Variants in GPR158 observed in about 807,000 individuals in gnomAD.
The protein encoded by GPR158 is G protein-coupled receptor 158.
A neutral mutation model predicts 78.2 loss-of-function variants in GPR158; 30 were observed. The ratio of observed to expected loss-of-function variants is 0.38; its 90% CI spans 0.29 to 0.52. The LOEUF is 0.52. GPR158 is among the 20% of genes least tolerant of loss of function. The pLI, the probability that GPR158 is intolerant of heterozygous loss-of-function variation, is 0.83. For synonymous variants in GPR158, 581 were observed against 591.1 expected, an observed-to-expected ratio of 0.98 and a Z score of 0.25; for missense variants, 1,463 against 1,523.5, an observed-to-expected ratio of 0.96 and a Z score of 0.66.
At chr10:25,485,561 T>G (rs1038423619) in intron 5 of GPR158, among the ~76,000 whole-genome samples, 1 of 152,128 alleles carries the variant, frequency 6.6e-6, no homozygotes, top group African/African-American at 2.4e-5. Context: ...ATTTATGTGT[T>G]TAGTTTGTTA....
chr10:25,454,108 C>T (rs1588872003), intron 4 of GPR158, among the ~76,000 whole-genome samples: 1 of 152,014 alleles, frequency 6.6e-6, no homozygotes, highest in South Asian at 2.1e-4. Flanking sequence ...TCATCAATAT[C>T]TTATAGTTTT....
At chr10:25,404,851 G>C (rs1280294655) in intron 3 of GPR158, among the ~76,000 whole-genome samples, 2 of 152,184 alleles carry the variant, frequency 1.3e-5, no homozygotes, top group African/African-American at 4.8e-5. Context: ...AGCAGAGACA[G>C]AGTATATCAG....
rs1006664591 is a variant in GPR158, at chr10:25,600,071, G to A, written c.*797G>A. 1.3e-5 allele frequency: 2 copies of A among 152,570 alleles called. No homozygotes were observed. Among genetic ancestry groups the A allele is most frequent in the Non-Finnish European group, 2.9e-5 (2 of 68,020 alleles). 9.5% of individuals were successfully genotyped at this position (152,570 alleles called of 1,614,324 possible). On this transcript the variant is annotated 3_prime_UTR_variant, in exon 11 of 11. Transcript: ENST00000376351. Reference sequence around the variant, plus strand: ...ATTTGACTCTATTATTTCACATCATGGTTTGTTATACTGTCTTAATCAGGG... The same window carrying A: ...ATTTGACTCTATTATTTCACATCATAGTTTGTTATACTGTCTTAATCAGGG...
chr10:25,218,262 A>C (rs1853247489), intron 1 of GPR158, among the ~76,000 whole-genome samples: 1 of 151,990 alleles, frequency 6.6e-6, no homozygotes, highest in South Asian at 2.1e-4. Flanking sequence ...AACGTAGCTC[A>C]TTATATTCCA....
At chr10:25,340,640 G>C (rs1855289342) in intron 2 of GPR158, among the ~76,000 whole-genome samples, 1 of 152,040 alleles carries the variant, frequency 6.6e-6, no homozygotes, top group Admixed American at 6.6e-5. Context: ...AAGAAAATTA[G>C]TGAATTAGAA....
In GPR158 at chr10:25,435,782, A is replaced by G. The variant is rs561086422; in HGVS notation, c.1335+23309A>G. Among the ~76,000 whole-genome samples the G allele has an allele frequency of 2.6e-5, 4 of 152,314 alleles. 1 individual carries two copies. The highest frequency in any genetic ancestry group is 9.6e-5 in the African/African-American group (4 of 41,560). ...GCTGCACTGTAGAGAATAGATTAGT[A>G]AGGGACAAGTGTAAAAGTGGGGGAA... On this transcript the variant is annotated intron_variant, in intron 4 of 10. Coordinates refer to ENST00000376351, the MANE Select transcript of GPR158 (RefSeq NM_020752.3).
chr10:25,212,798 A>C (rs1853152570), intron 1 of GPR158, among the ~76,000 whole-genome samples: 1 of 151,658 alleles, frequency 6.6e-6, no homozygotes, highest in African/African-American at 2.4e-5. Context: ...TGTCCAGCTA[A>C]TTTTTGTATT....
chr10:25,556,142 T>A (rs1836783712), intron 6 of GPR158, among the ~76,000 whole-genome samples: 1 of 152,182 alleles, frequency 6.6e-6, no homozygotes, highest in Admixed American at 6.5e-5. Flanking sequence ...CTTGGTTGAT[T>A]GCGTGTAGAC....
intron 4 of GPR158, among the ~76,000 whole-genome samples, chr10:25,427,719 G>T (rs1834843738): frequency 6.6e-6 from 1 of 151,788 alleles, no homozygotes; most frequent in Non-Finnish European, 1.5e-5. Context: ...TACTTGATAT[G>T]GATTCTTCCT....
chr10:25,189,834 A>ATGTGTG lies in GPR158; in HGVS notation c.902+13546_902+13551dup, dbSNP rs56205437. ...AAAAAAAGAGAAAAGAAAGGAAAGC[A>ATGTGTG]TGTGTGTGTGTGTGTGTGTGTGTGT... On this transcript the variant is annotated intron_variant, in intron 1 of 10. Coordinates refer to ENST00000376351, the MANE Select transcript of GPR158 (RefSeq NM_020752.3). 5.6e-3 allele frequency among the ~76,000 whole-genome samples: 671 copies of ATGTGTG among 120,526 alleles called. 1 individual carries two copies. The highest frequency in any genetic ancestry group is 0.019 in the Middle Eastern group (5 of 260). 79.1% of individuals were successfully genotyped at this position (120,526 alleles called of 152,430 possible).
chr10:25,313,914 G>A (rs989993699), intron 2 of GPR158, among the ~76,000 whole-genome samples: 8 of 152,024 alleles, frequency 5.3e-5, no homozygotes, highest in Non-Finnish European at 8.8e-5. Context: ...GGGATGATCC[G>A]GTCTTTAAAG....
intron 2 of GPR158, among the ~76,000 whole-genome samples, chr10:25,319,828 C>CG (rs1029158166): frequency 1.6e-4 from 23 of 144,748 alleles, no homozygotes; most frequent in African/African-American, 3.9e-4. Flanking sequence ...CCCCACCCCC[C>CG]CCAAAAAAAA....
Position 25,357,645 on chromosome 10 carries a change from T to A in GPR158, c.1009-38266T>A, listed in dbSNP as rs140301378. Reference sequence around the variant, plus strand: ...CTGTGGTTGCACAGAATTCAAGAATTGAGGTTTGGGAACCTCTGCCTAGAT... The same window carrying A: ...CTGTGGTTGCACAGAATTCAAGAATAGAGGTTTGGGAACCTCTGCCTAGAT... On this transcript the variant is annotated intron_variant, in intron 2 of 10. Coordinates refer to ENST00000376351, the MANE Select transcript of GPR158 (RefSeq NM_020752.3). Among the ~76,000 whole-genome samples the A allele has an allele frequency of 5.2e-3, 788 of 152,218 alleles. 10 individuals carry two copies. The highest frequency in any genetic ancestry group is 0.018 in the African/African-American group (745 of 41,558).
At chr10:25,500,732 A>G (rs1239087011) in intron 5 of GPR158, among the ~76,000 whole-genome samples, 1 of 152,236 alleles carries the variant, frequency 6.6e-6, no homozygotes, top group African/African-American at 2.4e-5. Context: ...TTGGAGAGGT[A>G]TAGACAGCGT....
chr10:25,510,882 C>G (rs140911483), intron 5 of GPR158, among the ~76,000 whole-genome samples: 77 of 152,290 alleles, frequency 5.1e-4, no homozygotes, highest in African/African-American at 1.7e-3. Flanking sequence ...TTATTTTGTT[C>G]CTTGTTATGG....
At chr10:25,535,739 ACT>A (rs1393684550) in intron 5 of GPR158, among the ~76,000 whole-genome samples, 5 of 152,010 alleles carry the variant, frequency 3.3e-5, no homozygotes, top group African/African-American at 1.2e-4. Flanking sequence ...AATAGTTCTG[ACT>A]CTGCTTCGAC....
chr10:25,393,358 T>G (rs565793366), intron 2 of GPR158, among the ~76,000 whole-genome samples: 16 of 152,324 alleles, frequency 1.1e-4, no homozygotes, highest in African/African-American at 2.6e-4. Flanking sequence ...TTTCAAGAAT[T>G]CTAATGTAGT....
intron 1 of GPR158, among the ~76,000 whole-genome samples, chr10:25,195,737 A>G (rs1423743375): frequency 6.6e-6 from 1 of 152,010 alleles, no homozygotes; most frequent in Non-Finnish European, 1.5e-5. Context: ...TTTTCACCCT[A>G]TGGAACACTC....
rs1286140267 is a variant in GPR158 at position 25,589,076 on chromosome 10, A to G, written c.1823A>G (p.His608Arg). 14 of 1,612,468 alleles carry G rather than the reference A, an allele frequency of 8.7e-6. No individual in the cohort carries two copies. The highest frequency in any genetic ancestry group is 1.1e-5 in the Non-Finnish European group (13 of 1,178,810). ...GTGCGGACAGTCCCATCGGCATTCC[A>G]TGAGCCCCGCTATATGGCTGTTGCA... is the stretch of plus-strand genomic sequence containing the variant. ...YAVRTVPSAFHEPRYMAVAVH... is the reference protein window; with the variant it reads ...YAVRTVPSAFREPRYMAVAVH... The change falls in exon 8 of 11, where the codon CAT (histidine) becomes CGT (arginine). Residue 608 changes from histidine (H) to arginine (R), a missense_variant. Physicochemically the swap from His to Arg is conservative, Grantham distance 29. Transcript: ENST00000376351.
Sources: allele counts gnomAD v4.1 joint callset (sites outside exome capture counted in the v4.1 genomes callset), GRCh38; gene constraint gnomAD v4.1.1; transcripts MANE v1.5; gene names NCBI Gene and HGNC (gene_info 2026-07-23, HGNC 2026-07-21).